Variants in ERCC6L2 observed in about 807,000 individuals in gnomAD.
ERCC6L2 encodes the protein ERCC excision repair 6 like 2, also known as DNA excision repair protein ERCC-6-like 2.
In ERCC6L2, 77 loss-of-function variants were observed where a neutral mutation model predicts 132.0. The ratio of observed to expected loss-of-function variants is 0.58; its 90% CI spans 0.49 to 0.71. The LOEUF (loss-of-function observed/expected upper bound fraction) is 0.71, where lower values mean the gene tolerates loss of function less well. Among genes scored for constraint, ERCC6L2 ranks in the 30% least tolerant of loss-of-function variants. ERCC6L2 has a pLI of 0.00. For missense variants in ERCC6L2, 1,542 were observed against 1,837.6 expected, an observed-to-expected ratio of 0.84 and a Z score of 2.94; for synonymous variants, 583 against 632.4, an observed-to-expected ratio of 0.92 and a Z score of 1.17.
intron 19 of ERCC6L2, among the ~76,000 whole-genome samples, chr9:96,034,225 C>T (rs905226070): frequency 3.9e-5 from 6 of 152,358 alleles, no homozygotes; most frequent in African/African-American, 7.2e-5. Flanking sequence ...GGGTTCACCT[C>T]GGTCCCTCTT....
intron 2 of ERCC6L2, among the ~76,000 whole-genome samples, chr9:95,897,547 C>T (rs996810580): frequency 6.6e-6 from 1 of 151,988 alleles, no homozygotes; most frequent in Non-Finnish European, 1.5e-5. Flanking sequence ...GAGATAGTTT[C>T]CATGGTTAGA....
chr9:95,882,189 G>A (rs1255792586), intron 2 of ERCC6L2, among the ~76,000 whole-genome samples: 1 of 152,212 alleles, frequency 6.6e-6, no homozygotes, highest in Admixed American at 6.5e-5. Flanking sequence ...GCAAGAGACA[G>A]CACTAGTAAA....
At chr9:95,917,013 C>G (rs568307891) in intron 6 of ERCC6L2, among the ~76,000 whole-genome samples, 3 of 152,194 alleles carry the variant, frequency 2.0e-5, no homozygotes, top group Admixed American at 1.3e-4. Flanking sequence ...CAGTTTTTCC[C>G]CAGTAAAGAA....
intron 9 of ERCC6L2, among the ~76,000 whole-genome samples, chr9:95,925,863 T>C (rs1284614481): frequency 6.6e-6 from 1 of 152,146 alleles, no homozygotes; most frequent in Non-Finnish European, 1.5e-5. Flanking sequence ...TTTACAAATA[T>C]ACAGGTAACT....
chr9:96,007,974 C>G (rs1035521250), intron 18 of ERCC6L2, among the ~76,000 whole-genome samples: 4 of 152,116 alleles, frequency 2.6e-5, no homozygotes, highest in African/African-American at 9.7e-5. Context: ...CTTTGGAGTG[C>G]TGGCGTGGCT....
At chr9:96,038,628 C>T (rs969146166) in intron 19 of ERCC6L2, among the ~76,000 whole-genome samples, 4 of 152,150 alleles carry the variant, frequency 2.6e-5, no homozygotes, top group African/African-American at 7.2e-5. Flanking sequence ...TGACTTTGTT[C>T]GAGTGAAGGC....
At chr9:95,969,510 G>A (rs1470531648) in intron 14 of ERCC6L2, among the ~76,000 whole-genome samples, 1 of 152,150 alleles carries the variant, frequency 6.6e-6, no homozygotes, top group Non-Finnish European at 1.5e-5. Flanking sequence ...TAAAAGAGAA[G>A]AGTTAAGGAT....
rs1226013721 is a variant in ERCC6L2 at position 96,017,268 on chromosome 9, A to G, written c.*4065A>G. Among the ~76,000 whole-genome samples the G allele has an allele frequency of 6.6e-6, 1 of 152,150 alleles. No homozygotes were observed. Among genetic ancestry groups the G allele is most frequent in the East Asian group, 1.9e-4 (1 of 5,194 alleles). ...GCTGGCTCCACTTGGTATTTGTTGC[A>G]GGAGGGAAGAACATCTCACTTTTGC... On this transcript the variant is annotated 3_prime_UTR_variant, in exon 19 of 19. Coordinates refer to ENST00000653738, the MANE Select transcript of ERCC6L2 (RefSeq NM_020207.7).
intron 2 of ERCC6L2, among the ~76,000 whole-genome samples, chr9:95,892,881 G>C (rs1828246203): frequency 6.6e-6 from 1 of 152,002 alleles, no homozygotes; most frequent in South Asian, 2.1e-4. Flanking sequence ...TATTCATTCT[G>C]ACAATCTCTG....
intron 8 of ERCC6L2, among the ~76,000 whole-genome samples, chr9:95,922,914 G>A (rs1829938226): frequency 6.6e-6 from 1 of 151,946 alleles, no homozygotes; most frequent in Non-Finnish European, 1.5e-5. Context: ...ATTTTTTTCT[G>A]TTATAGTTGA....
Position 95,972,466 on chromosome 9 carries a change from T to C in ERCC6L2, c.2715T>C (p.Cys905=). The C allele has an allele frequency of 7.8e-7, 1 of 1,289,558 alleles. No individual in the cohort carries two copies. The highest frequency in any genetic ancestry group is 1.0e-6 in the Non-Finnish European group (1 of 988,816). The allele number at this position is 1,289,558 out of a possible 1,614,324, so 79.9% of individuals were successfully genotyped here. A position where few individuals can be genotyped will look rare whatever the true frequency, so the allele number is the denominator to read the frequency against. The part of the protein sequence containing the change: ...VTESEDSDVI[C]PTQYTTERFP... ...AATCAGAAGATAGTGATGTCATCTG[T>C]CCTACACAATACACAACTGAGAGAT... is the stretch of plus-strand genomic sequence containing the variant. The change falls in exon 16 of 19, where the codon TGT becomes TGC. Residue 905 remains cysteine (C), a synonymous_variant. Coordinates refer to ENST00000653738, the MANE Select transcript of ERCC6L2 (RefSeq NM_020207.7).
intron 4 of ERCC6L2, among the ~76,000 whole-genome samples, chr9:95,908,877 C>T (rs1829209188): frequency 6.6e-6 from 1 of 152,026 alleles, no homozygotes; most frequent in African/African-American, 2.4e-5. Flanking sequence ...TAAGGTGATA[C>T]TTTCACATCA....
In ERCC6L2 at chr9:95,875,877, C is replaced by T; in HGVS notation, c.-162C>T. On this transcript the variant is annotated 5_prime_UTR_variant, in exon 1 of 19. Coordinates refer to ENST00000653738, the MANE Select transcript of ERCC6L2 (RefSeq NM_020207.7). ...CCTTAGTCGCTACCTTTGCTGGGAT[C>T]CCCCTCCTCCATCCTGTGGCTTCGG... 3 of 680,760 alleles carry T rather than the reference C, an allele frequency of 4.4e-6. No homozygotes were observed. Among genetic ancestry groups the T allele is most frequent in the Non-Finnish European group, 7.5e-6 (3 of 401,146 alleles). 42.2% of individuals were successfully genotyped at this position (680,760 alleles called of 1,614,324 possible). A position where few individuals can be genotyped will look rare whatever the true frequency, so the allele number is the denominator to read the frequency against.
chr9:96,036,065 T>C (rs1322157538), intron 19 of ERCC6L2, among the ~76,000 whole-genome samples: 3 of 152,220 alleles, frequency 2.0e-5, no homozygotes, highest in Non-Finnish European at 4.4e-5. Flanking sequence ...TGGGGTAAGA[T>C]AACACACATT....
At chr9:95,957,802 A>G (rs1369774680) in intron 13 of ERCC6L2, among the ~76,000 whole-genome samples, 2 of 152,080 alleles carry the variant, frequency 1.3e-5, no homozygotes, top group African/African-American at 2.4e-5. Flanking sequence ...ATTTTAACCA[A>G]TGGAGCACAC....
At chr9:95,879,985 A>T (rs1012791039) in intron 1 of ERCC6L2, among the ~76,000 whole-genome samples, 2 of 152,150 alleles carry the variant, frequency 1.3e-5, no homozygotes, top group Admixed American at 1.3e-4. Flanking sequence ...ATACTTTTTA[A>T]TTGTACCAAT....
chr9:96,016,517 A>T lies in ERCC6L2; in HGVS notation c.*3314A>T, dbSNP rs1276600574. ...CACTTGAATTCCTCAGGGTTCTCTT[A>T]CAGCCCTGAAAACACCTCTTCAAGG... On this transcript the variant is annotated 3_prime_UTR_variant, in exon 19 of 19. Transcript: ENST00000653738. Among the ~76,000 whole-genome samples the T allele has an allele frequency of 6.6e-6, 1 of 152,212 alleles. No individual in the cohort carries two copies. The highest frequency in any genetic ancestry group is 1.5e-5 in the Non-Finnish European group (1 of 68,034).
chr9:95,968,399 T>G (rs1433966070), intron 14 of ERCC6L2: 1 of 152,214 alleles, frequency 6.6e-6, no homozygotes, highest in Non-Finnish European at 1.5e-5. Flanking sequence ...GATTATTAAG[T>G]TAAATTTTGA....
chr9:95,903,439 C>T (rs142977986), intron 3 of ERCC6L2, among the ~76,000 whole-genome samples: 471 of 152,130 alleles, frequency 3.1e-3, no homozygotes, highest in Non-Finnish European at 4.9e-3. Flanking sequence ...TCCTCAAAAC[C>T]TATTGATATA....
Sources: allele counts gnomAD v4.1 joint callset (sites outside exome capture counted in the v4.1 genomes callset), GRCh38; gene constraint gnomAD v4.1.1; transcripts MANE v1.5; gene names NCBI Gene and HGNC (gene_info 2026-07-23, HGNC 2026-07-21).